IGF1R: variants seen among roughly 807,000 people sequenced by gnomAD.
IGF1R encodes insulin like growth factor 1 receptor, also known as insulin-like growth factor 1 receptor.
Under a neutral mutation model 144.6 loss-of-function variants are expected in IGF1R, and 44 were observed. That is an observed-to-expected ratio of 0.30 (90% CI 0.24 to 0.39). The LOEUF is 0.39. IGF1R is among the 10% of genes least tolerant of loss of function. The pLI is 1.00. For missense variants in IGF1R, 1,355 were observed against 1,833.7 expected (o/e 0.74, Z 4.77); for synonymous variants, 795 against 722.8 (o/e 1.10, Z -1.60).
At chr15:98,836,852 T>G (rs2011103553) in intron 2 of IGF1R, among the ~76,000 whole-genome samples, 1 of 152,216 alleles carries the variant, frequency 6.6e-6, no homozygotes, top group South Asian at 2.1e-4. Context: ...TTCTCATCAT[T>G]AAACTCATTT....
At chr15:98,741,377 C>G (rs894183367) in intron 2 of IGF1R, among the ~76,000 whole-genome samples, 3 of 151,130 alleles carry the variant, frequency 2.0e-5, no homozygotes, top group Non-Finnish European at 2.9e-5. Flanking sequence ...AGGTAAGATA[C>G]TTCCTTTTTT....
At position 98,707,272 on chromosome 15, in the gene IGF1R, C is replaced by A. The variant is rs1289797285; in HGVS notation, c.95-290C>A. Reference sequence around the variant, plus strand: ...AACTTTCGCCTCTGCCTCTGTGTGCCTCTGGGCTGTAAGCTTTAGTTTGCA... The same window carrying A: ...AACTTTCGCCTCTGCCTCTGTGTGCATCTGGGCTGTAAGCTTTAGTTTGCA... On this transcript the variant is annotated intron_variant, in intron 1 of 20. Transcript: ENST00000650285. The surrounding 1 kb of genome is among the most constrained non-coding windows in gnomAD (Gnocchi z 6.7). Among the ~76,000 whole-genome samples the A allele has an allele frequency of 1.3e-5, 2 of 152,148 alleles. No homozygotes were observed. The highest frequency in any genetic ancestry group is 3.9e-4 in the East Asian group (2 of 5,184).
intron 1 of IGF1R, among the ~76,000 whole-genome samples, chr15:98,677,104 T>G (rs941658815): frequency 6.6e-6 from 1 of 151,894 alleles, no homozygotes; most frequent in African/African-American, 2.4e-5. Flanking sequence ...CTGGCTAAGT[T>G]TTTTCTTTTT....
Position 98,960,028 on chromosome 15 carries a change from ATT to A in IGF1R, c.*2591_*2592del. The A allele has an allele frequency of 4.3e-6, 1 of 233,166 alleles. No homozygotes were observed. Among genetic ancestry groups the A allele is most frequent in the Admixed American group, 5.6e-5 (1 of 17,754 alleles). 14.4% of individuals were successfully genotyped at this position (233,166 alleles called of 1,614,324 possible). A position where few individuals can be genotyped will look rare whatever the true frequency, so the allele number is the denominator to read the frequency against. ...TGTGAGAGTGATGGGACAGTTCTTGATTTTTTGGGTTTTTTTTCCCCCAAACA... is the reference window on the plus strand; with the variant it reads ...TGTGAGAGTGATGGGACAGTTCTTGATTTTGGGTTTTTTTTCCCCCAAACA... On this transcript the variant is annotated 3_prime_UTR_variant, in exon 21 of 21. Coordinates refer to ENST00000650285, the MANE Select transcript of IGF1R (RefSeq NM_000875.5).
In IGF1R at chr15:98,670,813, C is replaced by A. The variant is rs75118736; in HGVS notation, c.94+21138C>A. Among the ~76,000 whole-genome samples the A allele has an allele frequency of 7.0e-3, 1,068 of 152,140 alleles. 17 individuals carry two copies. Among genetic ancestry groups the A allele is most frequent in the African/African-American group, 0.025 (1,019 of 41,528 alleles). The stretch of plus-strand genomic sequence containing the variant: ...GACTTTATTTTCTTCTATTTTTTTT[C>A]TTTGCTTTTCTCCCCCAATCAACAT... On this transcript the variant is annotated intron_variant, in intron 1 of 20. Transcript: ENST00000650285.
chr15:98,682,770 A>G (rs959875540), intron 1 of IGF1R, among the ~76,000 whole-genome samples: 2 of 148,762 alleles, frequency 1.3e-5, no homozygotes, highest in Admixed American at 1.3e-4. Context: ...CTGGTCTGGA[A>G]CTCCTGATTA....
Position 98,691,007 on chromosome 15 carries a change from C to T in IGF1R, c.95-16555C>T, listed in dbSNP as rs546794859. ...AGTTTTAGATTTACAGAAAAGTTGC[C>T]GCGATAGTCTAGAGAGATCCCATGT... On this transcript the variant is annotated intron_variant, in intron 1 of 20. Coordinates refer to ENST00000650285, the MANE Select transcript of IGF1R (RefSeq NM_000875.5). 9.2e-5 allele frequency among the ~76,000 whole-genome samples: 14 copies of T among 152,250 alleles called. No individual in the cohort carries two copies. In the South Asian group the frequency reaches 2.5e-3, roughly 27 times the overall value.
At chr15:98,757,168 AT>A (rs545290651) in intron 2 of IGF1R, among the ~76,000 whole-genome samples, 22 of 148,348 alleles carry the variant, frequency 1.5e-4, no homozygotes, top group South Asian at 2.1e-4. Flanking sequence ...ACCTTTTATA[AT>A]TTTTTTTTTT....
chr15:98,662,849 ATGGAG>A (rs1340629348), intron 1 of IGF1R, among the ~76,000 whole-genome samples: 1 of 152,122 alleles, frequency 6.6e-6, no homozygotes, highest in Non-Finnish European at 1.5e-5. Flanking sequence ...GTGTGCACTG[ATGGAG>A]TGGAGAGGGT....
At chr15:98,856,638 TG>T (rs1165254914) in intron 2 of IGF1R, among the ~76,000 whole-genome samples, 41 of 152,356 alleles carry the variant, frequency 2.7e-4, no homozygotes, top group Admixed American at 2.0e-3. Flanking sequence ...AAGGGTGGAT[TG>T]CTATCCAAAT....
At chr15:98,716,740 C>G (rs1483121511) in intron 2 of IGF1R, among the ~76,000 whole-genome samples, 1 of 152,016 alleles carries the variant, frequency 6.6e-6, no homozygotes, top group Non-Finnish European at 1.5e-5. Flanking sequence ...GTTGTCTTTT[C>G]AAGTCAAGGA....
Position 98,896,820 on chromosome 15 carries a change from G to A in IGF1R, c.1017G>A (p.Lys339=), listed in dbSNP as rs1194482064. The part of the protein sequence containing the change: ...PKVCEEEKKT[K]TIDSVTSAQM... ...TCTGTGAGGAAGAAAAGAAAACAAAGACCATTGATTCTGTTACTTCTGCTC... is the reference window on the plus strand; with the variant it reads ...TCTGTGAGGAAGAAAAGAAAACAAAAACCATTGATTCTGTTACTTCTGCTC... Residue 339 remains lysine (K), a synonymous_variant, in exon 4 of 21, where the codon AAG becomes AAA. Coordinates refer to ENST00000650285, the MANE Select transcript of IGF1R (RefSeq NM_000875.5). 1 of 1,613,948 alleles carries A rather than the reference G, an allele frequency of 6.2e-7. No individual in the cohort carries two copies. Among genetic ancestry groups the A allele is most frequent in the African/African-American group, 1.3e-5 (1 of 74,878 alleles).
intron 2 of IGF1R, among the ~76,000 whole-genome samples, chr15:98,735,658 G>C (rs149906096): frequency 6.6e-6 from 1 of 152,198 alleles, no homozygotes. Context: ...AAAGAGGGTC[G>C]CAAAATAGCA....
intron 2 of IGF1R, among the ~76,000 whole-genome samples, chr15:98,807,876 A>C (rs1440938430): frequency 6.6e-6 from 1 of 152,270 alleles, no homozygotes; most frequent in Non-Finnish European, 1.5e-5. Context: ...CTGTAAGATA[A>C]TAGTAATTTT....
intron 2 of IGF1R, among the ~76,000 whole-genome samples, chr15:98,797,032 A>G (rs1166333695): frequency 6.6e-6 from 1 of 152,148 alleles, no homozygotes; most frequent in Non-Finnish European, 1.5e-5. Context: ...GTTTGGGTCC[A>G]TGCCCCGCAT....
Position 98,935,577 on chromosome 15 carries a change from G to T in IGF1R, c.3297+151G>T. 1 of 708,068 alleles carries T rather than the reference G, an allele frequency of 1.4e-6. No individual in the cohort carries two copies. The allele number at this position is 708,068 out of a possible 1,614,324, so 43.9% of individuals were successfully genotyped here. On this transcript the variant is annotated intron_variant, in intron 17 of 20. Transcript: ENST00000650285. This position sits in a 1 kb window ranked among gnomAD's most constrained non-coding sequence, Gnocchi z 4.2. ...GCATGCTCAGTTGTAGGTCATTTAT[G>T]CAAAGGATTTCCCCAACTAGAGTCA...
intron 2 of IGF1R, among the ~76,000 whole-genome samples, chr15:98,790,172 G>A (rs974365492): frequency 2.0e-5 from 3 of 152,162 alleles, no homozygotes; most frequent in Non-Finnish European, 4.4e-5. Context: ...GTGTGAGGTG[G>A]CCCAGCTTAT....
chr15:98,805,399 A>AGGG (rs1330791785), intron 2 of IGF1R, among the ~76,000 whole-genome samples: 1 of 151,940 alleles, frequency 6.6e-6, no homozygotes, highest in Non-Finnish European at 1.5e-5. Flanking sequence ...TGAAGTGTGT[A>AGGG]CCCTGTGTTT....
At chr15:98,825,156 T>A (rs2056869703) in intron 2 of IGF1R, among the ~76,000 whole-genome samples, 1 of 152,186 alleles carries the variant, frequency 6.6e-6, no homozygotes, top group Admixed American at 6.5e-5. Flanking sequence ...TCTTTAATTT[T>A]ACAAACTTGG....
Sources: gnomAD v4.1 joint callset for allele counts (sites outside exome capture counted in the v4.1 genomes callset) on GRCh38, gnomAD v4.1.1 for gene constraint, Gnocchi (gnomAD v3.1) non-coding constraint, MANE v1.5 for transcripts, NCBI Gene and HGNC (gene_info 2026-07-23, HGNC 2026-07-21) for gene names.